CATSPER3: variants seen among roughly 807,000 people sequenced by gnomAD.
CATSPER3 encodes cation channel sperm associated 3, also known as cation channel sperm-associated protein 3.
In CATSPER3, 23 loss-of-function variants were observed where a neutral mutation model predicts 36.6. That is an observed-to-expected ratio of 0.63 (90% CI 0.45 to 0.89). The LOEUF is 0.89. Ranked by LOEUF, CATSPER3 falls within the 40% of genes least tolerant of loss-of-function variation. CATSPER3 has a pLI of 0.00. For missense variants in CATSPER3, 474 were observed against 503.9 expected, an observed-to-expected ratio of 0.94 and a Z score of 0.57; for synonymous variants, 172 against 184.1, an observed-to-expected ratio of 0.93 and a Z score of 0.53.
intron 2 of CATSPER3, 123 bp downstream of exon 2, chr5:134,970,215 G>A: frequency 1.1e-6 from 1 of 943,032 alleles, no homozygotes; most frequent in Admixed American, 1.9e-5. Context: ...GAGTGCAGTG[G>A]CGTGATCTCA....
chr5:134,978,071 G>A (rs1414228882), intron 2 of CATSPER3, among the ~76,000 whole-genome samples: 1 of 152,152 alleles, frequency 6.6e-6, no homozygotes. Context: ...CTCCAACACT[G>A]GGAACCACAT....
intron 6 of CATSPER3, 132 bp from the exon 7 acceptor site, chr5:135,010,241 C>T: frequency 1.2e-6 from 1 of 803,080 alleles, no homozygotes; most frequent in Non-Finnish European, 2.1e-6. Context: ...GAAGTTGTGA[C>T]AAGGCTGAAG....
At chr5:135,009,771 C>A (rs959497980) in intron 6 of CATSPER3, among the ~76,000 whole-genome samples, 5 of 152,212 alleles carry the variant, frequency 3.3e-5, no homozygotes, top group South Asian at 2.1e-4. Flanking sequence ...TGGGGCCAGG[C>A]AATCTGTGCT....
At position 134,970,054 on chromosome 5, in the gene CATSPER3, A is replaced by T. The variant is rs1317905247; in HGVS notation, c.214A>T (p.Ser72Cys). The T allele has an allele frequency of 2.5e-6, 4 of 1,614,168 alleles. No individual in the cohort carries two copies. The highest frequency in any genetic ancestry group is 3.4e-6 in the Non-Finnish European group (4 of 1,180,016). The change falls in exon 2 of 8, where the codon AGT (serine) becomes TGT (cysteine). Residue 72 changes from serine to cysteine, a missense_variant. By Grantham distance (112) the Ser-to-Cys change is moderately radical. Transcript: ENST00000282611. ...TGCGTTTTTTATGGCCTTGTGGACC[A>T]GTTATGACATAAGGTACCGCTTGTT... Reference protein sequence around the residue: ...SNAFFMALWTSYDIRYRLFRL... With the variant: ...SNAFFMALWTCYDIRYRLFRL...
chr5:134,970,722 C>A (rs566884750), intron 2 of CATSPER3, among the ~76,000 whole-genome samples: 1 of 151,748 alleles, frequency 6.6e-6, no homozygotes, highest in Non-Finnish European at 1.5e-5. Context: ...CAGGCACACA[C>A]CATCATGCTT....
intron 3 of CATSPER3, among the ~76,000 whole-genome samples, chr5:135,001,031 A>G (rs974758127): frequency 3.9e-5 from 6 of 152,064 alleles, no homozygotes; most frequent in Middle Eastern, 3.2e-3. Flanking sequence ...TGTCAATTTT[A>G]GATCTTTCCT....
chr5:134,979,923 C>T (rs796183787), intron 2 of CATSPER3, among the ~76,000 whole-genome samples: 32 of 139,362 alleles, frequency 2.3e-4, no homozygotes, highest in African/African-American at 7.3e-4. Flanking sequence ...TTCTTCCTCC[C>T]TCCCTCCCTC....
chr5:134,979,832 A>T (rs1751726249), intron 2 of CATSPER3, among the ~76,000 whole-genome samples: 1 of 152,208 alleles, frequency 6.6e-6, no homozygotes. Context: ...AGTTAGGGGT[A>T]ATGTAGAGTT....
In CATSPER3 at chr5:134,967,910, A is replaced by G; in HGVS notation, c.-82A>G. ...GGCCCCTTCTCTGCTGCCTCTCAGA[A>G]TCCAGACGCTAAGGAAAATCCCTAA... is the stretch of plus-strand genomic sequence containing the variant. On this transcript the variant is annotated 5_prime_UTR_variant, in exon 1 of 8. Coordinates refer to ENST00000282611, the MANE Select transcript of CATSPER3 (RefSeq NM_178019.3). 1.9e-6 allele frequency: 2 copies of G among 1,050,344 alleles called. No individual in the cohort carries two copies. Among genetic ancestry groups the G allele is most frequent in the South Asian group, 2.6e-5 (2 of 77,584 alleles). 65.1% of individuals were successfully genotyped at this position (1,050,344 alleles called of 1,614,324 possible). A position where few individuals can be genotyped will look rare whatever the true frequency, so the allele number is the denominator to read the frequency against.
chr5:135,004,136 A>C (rs1212357562), intron 3 of CATSPER3, among the ~76,000 whole-genome samples: 1 of 152,210 alleles, frequency 6.6e-6, no homozygotes, highest in Non-Finnish European at 1.5e-5. Context: ...CCCCACCCGC[A>C]TTCAGTTGCC....
At chr5:135,002,431 A>G (rs912933868) in intron 3 of CATSPER3, among the ~76,000 whole-genome samples, 12 of 152,122 alleles carry the variant, frequency 7.9e-5, no homozygotes, top group Admixed American at 6.5e-4. Context: ...GAATCTGACA[A>G]TTATGAGTCT....
chr5:134,974,226 T>C (rs1279870348), intron 2 of CATSPER3, among the ~76,000 whole-genome samples: 1 of 151,980 alleles, frequency 6.6e-6, no homozygotes, highest in Admixed American at 6.5e-5. Flanking sequence ...AAATCCAGAC[T>C]GGGAGATTTT....
At chr5:134,996,640 G>GGACTCTACTACC in intron 3 of CATSPER3, 128 bp downstream of exon 3, 3 of 824,340 alleles carry the variant, frequency 3.6e-6, no homozygotes, top group Non-Finnish European at 3.9e-6. Context: ...GTGGCAGGTT[G>GGACTCTACTACC]ATCTTTACCA....
Position 135,011,627 on chromosome 5 carries a change from G to C in CATSPER3, c.*4G>C. ...GGAAAAGGTGGATGAGAAGTAGCTGGGCATGGGGCACCCATGTGCCGAGAG... is the reference window on the plus strand; with the variant it reads ...GGAAAAGGTGGATGAGAAGTAGCTGCGCATGGGGCACCCATGTGCCGAGAG... On this transcript the variant is annotated 3_prime_UTR_variant, in exon 8 of 8. Transcript: ENST00000282611. 1 of 1,603,552 alleles carries C rather than the reference G, an allele frequency of 6.2e-7. No individual in the cohort carries two copies. The highest frequency in any genetic ancestry group is 8.5e-7 in the Non-Finnish European group (1 of 1,170,970).
rs145700513 is a variant in CATSPER3, at chr5:135,008,616, A to C, written c.676-225A>C. On this transcript the variant is annotated intron_variant, in intron 4 of 7. Transcript: ENST00000282611. ...GAAGGTTGGGAGGCCTTGAGAAAAG[A>C]GACCTCGAGGCATGTTGGTCAATAG... 6.6e-3 allele frequency among the ~76,000 whole-genome samples: 1,005 copies of C among 152,258 alleles called. 8 individuals carry two copies. Among genetic ancestry groups the C allele is most frequent in the African/African-American group, 0.023 (950 of 41,540 alleles).
At chr5:134,968,114 C>T in intron 1 of CATSPER3, 25 bp downstream of exon 1, 2 of 1,502,436 alleles carry the variant, frequency 1.3e-6, no homozygotes, top group Non-Finnish European at 1.9e-6. Flanking sequence ...TCTCCATTGC[C>T]TGTTAAGAAA....
At position 135,008,159 on chromosome 5, in the gene CATSPER3, T is replaced by C. The variant is rs756589920; in HGVS notation, c.675+20T>C. 6.2e-7 allele frequency: 1 copy of C among 1,608,982 alleles called. No homozygotes were observed. Among genetic ancestry groups the C allele is most frequent in the East Asian group, 2.2e-5 (1 of 44,804 alleles). On this transcript the variant is annotated intron_variant, in intron 4 of 7. Transcript: ENST00000282611. ...GCCACGGTACTGTGTTTGGGAACAG[T>C]GGTGAGGGCAGGGGCCTTAGGAAGG...
chr5:134,987,139 A>G (rs1336140668), intron 2 of CATSPER3, among the ~76,000 whole-genome samples: 1 of 152,144 alleles, frequency 6.6e-6, no homozygotes, highest in Non-Finnish European at 1.5e-5. Context: ...AGAAAATAAG[A>G]CTCAAATTAC....
chr5:135,010,156 G>T (rs1752163300), intron 6 of CATSPER3, among the ~76,000 whole-genome samples: 1 of 152,192 alleles, frequency 6.6e-6, no homozygotes, highest in Non-Finnish European at 1.5e-5. Context: ...CTGAGCCTCA[G>T]TTGGACTTCA....
Sources: gnomAD v4.1 joint callset for allele counts (sites outside exome capture counted in the v4.1 genomes callset) on GRCh38, gnomAD v4.1.1 for gene constraint, MANE v1.5 for transcripts, NCBI Gene and HGNC (gene_info 2026-07-23, HGNC 2026-07-21) for gene names.